VPS8: variants seen among roughly 807,000 people sequenced by gnomAD.
VPS8 encodes VPS8 subunit of CORVET complex.
VPS8 carries 129 observed loss-of-function variants against 216.4 expected under a neutral mutation model. The observed-to-expected ratio is 0.60, with a 90% confidence interval of 0.52 to 0.69. The LOEUF is 0.69. VPS8 is among the 30% of genes least tolerant of loss of function. VPS8 has a pLI of 0.00. For missense variants in VPS8, 1,531 were observed against 1,683.5 expected, an observed-to-expected ratio of 0.91 and a Z score of 1.59; for synonymous variants, 571 against 565.4, an observed-to-expected ratio of 1.01 and a Z score of -0.14.
intron 21 of VPS8, among the ~76,000 whole-genome samples, chr3:184,876,352 G>T (rs1578024567): frequency 6.7e-6 from 1 of 150,150 alleles, no homozygotes; most frequent in Non-Finnish European, 1.5e-5. Flanking sequence ...TGTTAAAAAT[G>T]CTTTTTTTTT....
At chr3:184,931,479 A>G (rs1240911540) in intron 34 of VPS8, among the ~76,000 whole-genome samples, 5 of 152,154 alleles carry the variant, frequency 3.3e-5, no homozygotes, top group African/African-American at 4.8e-5. Flanking sequence ...ATGTTTGAAC[A>G]TTTTTTATAG....
At chr3:184,867,094 G>A in intron 17 of VPS8, 144 bp downstream of exon 17, 1 of 636,968 alleles carries the variant, frequency 1.6e-6, no homozygotes. Context: ...AGGTAGGCAT[G>A]ATTTTTAGTT....
chr3:185,007,011 G>A (rs1011081675), intron 45 of VPS8, among the ~76,000 whole-genome samples: 1 of 152,020 alleles, frequency 6.6e-6, no homozygotes, highest in Non-Finnish European at 1.5e-5. Context: ...TTTCATAACT[G>A]GTCAATATAT....
At chr3:184,914,607 G>A (rs935298043) in intron 26 of VPS8, among the ~76,000 whole-genome samples, 3 of 152,138 alleles carry the variant, frequency 2.0e-5, no homozygotes, top group African/African-American at 7.2e-5. Flanking sequence ...AGAACGCCAG[G>A]CTTTTAACAG....
chr3:185,029,230 C>T (rs964868974), intron 46 of VPS8, among the ~76,000 whole-genome samples: 11 of 152,186 alleles, frequency 7.2e-5, no homozygotes, highest in Admixed American at 5.9e-4. Flanking sequence ...CCCAAAGTTG[C>T]ATTGACAGAT....
intron 46 of VPS8, among the ~76,000 whole-genome samples, chr3:185,040,234 A>G (rs755498376): frequency 3.3e-5 from 5 of 152,184 alleles, no homozygotes; most frequent in Admixed American, 2.0e-4. Flanking sequence ...TCCACACTAT[A>G]GCAGAGCTCC....
chr3:185,032,223 A>C (rs1314524145), intron 46 of VPS8, among the ~76,000 whole-genome samples: 1 of 152,196 alleles, frequency 6.6e-6, no homozygotes, highest in Admixed American at 6.5e-5. Flanking sequence ...AGTTAAAACT[A>C]ACTAAACAGC....
intron 21 of VPS8, among the ~76,000 whole-genome samples, chr3:184,883,879 G>T (rs1730699980): frequency 6.6e-6 from 1 of 151,850 alleles, no homozygotes; most frequent in South Asian, 2.1e-4. Context: ...GAAGTCTTGG[G>T]GTATACTACT....
intron 40 of VPS8, among the ~76,000 whole-genome samples, 195 bp downstream of exon 40, chr3:184,971,947 A>G (rs1206020895): frequency 2.6e-5 from 4 of 152,134 alleles, no homozygotes; most frequent in Non-Finnish European, 4.4e-5. Flanking sequence ...GTGGTGGCAC[A>G]TGCCTGTAAT....
chr3:184,957,352 T>C (rs780992938), intron 36 of VPS8, 22 bp from the exon 37 acceptor site: 1 of 1,583,682 alleles, frequency 6.3e-7, no homozygotes, highest in South Asian at 1.1e-5. Flanking sequence ...TTGAGTGTTC[T>C]CTTTATCTTT....
intron 40 of VPS8, among the ~76,000 whole-genome samples, chr3:184,975,976 C>CAT (rs1420858563): frequency 1.6e-4 from 24 of 152,264 alleles, no homozygotes; most frequent in African/African-American, 5.5e-4. Context: ...TGAAAATTTG[C>CAT]ATATGCCTTT....
At position 184,849,079 on chromosome 3, in the gene VPS8, C is replaced by A; in HGVS notation, c.550C>A (p.Gln184Lys). The A allele has an allele frequency of 3.1e-6, 5 of 1,613,092 alleles. No homozygotes were observed. The highest frequency in any genetic ancestry group is 2.2e-5 in the South Asian group (2 of 91,062). ...LALIFGKDQNQALRLCLGSTS... is the reference protein window; with the variant it reads ...LALIFGKDQNKALRLCLGSTS... The stretch of plus-strand genomic sequence containing the variant: ...AAAACTGCTTTCTTTAGATCAGAAT[C>A]AAGCTTTGCGACTCTGTCTGGGTAG... The change falls in exon 9 of 48, where the codon CAA (glutamine) becomes AAA (lysine). Residue 184 changes from glutamine (Q) to lysine (K), a missense_variant. Physicochemically the swap from Gln to Lys is moderately conservative, Grantham distance 53. Transcript: ENST00000625842.
At chr3:184,886,072 G>A (rs1321683203) in intron 21 of VPS8, 38 bp from the exon 22 acceptor site, 5 of 1,594,588 alleles carry the variant, frequency 3.1e-6, no homozygotes, top group Non-Finnish European at 3.4e-6. Context: ...ACTGGACAGG[G>A]TTGTGGGGCT....
Position 184,869,002 on chromosome 3 carries a change from G to T in VPS8, c.1563G>T (p.Trp521Cys). 2 of 1,610,238 alleles carry T rather than the reference G, an allele frequency of 1.2e-6. No individual in the cohort carries two copies. The highest frequency in any genetic ancestry group is 1.7e-6 in the Non-Finnish European group (2 of 1,178,346). The change falls in exon 19 of 48, where the codon TGG becomes TGT. Residue 521 changes from tryptophan (W) to cysteine (C), a missense_variant. Coordinates refer to ENST00000625842, the MANE Select transcript of VPS8 (RefSeq NM_001009921.3). ...DCLTEALALA[W>C]SFHEGKAKAV... ...TTACAGAAGCGTTGGCTCTTGCGTG[G>T]TCTTTCCATGAAGGAAAAGCAAAAG...
chr3:184,871,505 A>G (rs1336925936), intron 21 of VPS8, among the ~76,000 whole-genome samples: 2 of 152,152 alleles, frequency 1.3e-5, no homozygotes, highest in East Asian at 3.8e-4. Context: ...TTTGCAGGCT[A>G]CAGTGGTCTC....
At chr3:184,860,414 T>C (rs528164162) in intron 15 of VPS8, among the ~76,000 whole-genome samples, 11 of 151,104 alleles carry the variant, frequency 7.3e-5, no homozygotes, top group African/African-American at 2.4e-4. Context: ...CGTATATATG[T>C]ATATATATGT....
intron 1 of VPS8, among the ~76,000 whole-genome samples, chr3:184,822,484 CTGAGT>C (rs1399972554): frequency 2.6e-5 from 4 of 152,126 alleles, no homozygotes; most frequent in Admixed American, 6.5e-5. Context: ...GTTTTCCTTT[CTGAGT>C]TATTTTGGAA....
intron 21 of VPS8, among the ~76,000 whole-genome samples, chr3:184,884,995 T>C (rs1358425248): frequency 6.6e-6 from 1 of 152,214 alleles, no homozygotes; most frequent in Non-Finnish European, 1.5e-5. Context: ...TTGCTGTAGC[T>C]CTAACACTTT....
rs189190507 is a variant in VPS8, at chr3:184,923,372, C to T, written c.2455-1490C>T. Among the ~76,000 whole-genome samples the T allele has an allele frequency of 2.4e-3, 358 of 152,308 alleles. 5 individuals are homozygous for T. The highest frequency in any genetic ancestry group is 8.3e-3 in the African/African-American group (347 of 41,562). ...GTTCCTTTAACCACATGTTTCCACACATAGGAATACTTGTCCTGTCCCCCC... is the reference window on the plus strand; with the variant it reads ...GTTCCTTTAACCACATGTTTCCACATATAGGAATACTTGTCCTGTCCCCCC... On this transcript the variant is annotated intron_variant, in intron 29 of 47. Coordinates refer to ENST00000625842, the MANE Select transcript of VPS8 (RefSeq NM_001009921.3).
Sources: allele counts gnomAD v4.1 joint callset (sites outside exome capture counted in the v4.1 genomes callset), GRCh38; gene constraint gnomAD v4.1.1; transcripts MANE v1.5; gene names NCBI Gene and HGNC (gene_info 2026-07-23, HGNC 2026-07-21).